TBC1D19: variants seen among roughly 807,000 people sequenced by gnomAD.
The protein encoded by TBC1D19 is TBC1 domain family, member 19.
In TBC1D19, 60 loss-of-function variants were observed where a neutral mutation model predicts 89.0. That is an observed-to-expected ratio of 0.67 (90% CI 0.55 to 0.84). TBC1D19 has a LOEUF of 0.84. Ranked by LOEUF, TBC1D19 falls within the 40% of genes least tolerant of loss-of-function variation. TBC1D19 has a pLI of 0.00. For missense variants in TBC1D19, 500 were observed against 610.8 expected (o/e 0.82, Z 1.91); for synonymous variants, 189 against 199.7 (o/e 0.95, Z 0.45).
At chr4:26,794,957 C>T in the TBC1D19 span, among the ~76,000 whole-genome samples, 68 of 152,282 alleles carry the variant, frequency 4.5e-4, no homozygotes, top group South Asian at 4.6e-3. Flanking sequence ...GGCTCCTGAC[C>T]GGTCTCCTGG....
chr4:26,779,518 C>T, the TBC1D19 span, among the ~76,000 whole-genome samples: 210 of 152,312 alleles, frequency 1.4e-3, no homozygotes, highest in Middle Eastern at 6.8e-3. Flanking sequence ...TTTCTTTCCC[C>T]GGGTCCTTCT....
the TBC1D19 span, among the ~76,000 whole-genome samples, chr4:26,794,596 T>A: frequency 3.3e-5 from 5 of 152,166 alleles, no homozygotes; most frequent in African/African-American, 7.2e-5. Context: ...GGAAATTTTT[T>A]AAAAAACATT....
chr4:26,580,952 G>A (rs1028005250), upstream of TBC1D19, among the ~76,000 whole-genome samples: 6 of 152,144 alleles, frequency 3.9e-5, no homozygotes, highest in African/African-American at 1.2e-4. Context: ...AAACCAAGCA[G>A]GTCTGAGAAA....
At chr4:26,670,671 G>C (rs141260632) in intron 9 of TBC1D19, among the ~76,000 whole-genome samples, 1 of 151,744 alleles carries the variant, frequency 6.6e-6, no homozygotes, top group East Asian at 1.9e-4. Context: ...CCTCCAGCTA[G>C]ACCGAGAAAC....
intron 13 of TBC1D19, among the ~76,000 whole-genome samples, chr4:26,707,557 C>G (rs1333109522): frequency 1.3e-5 from 2 of 151,864 alleles, no homozygotes; most frequent in Non-Finnish European, 2.9e-5. Flanking sequence ...AGATATTTCT[C>G]TCATTTTTCT....
chr4:26,609,309 C>T (rs1300701146), intron 1 of TBC1D19, among the ~76,000 whole-genome samples: 2 of 152,068 alleles, frequency 1.3e-5, no homozygotes, highest in Non-Finnish European at 2.9e-5. Context: ...AATAAAGACC[C>T]ATTCCTTGCC....
chr4:26,830,067 T>G, the TBC1D19 span, among the ~76,000 whole-genome samples: 1 of 152,172 alleles, frequency 6.6e-6, no homozygotes, highest in East Asian at 1.9e-4. Flanking sequence ...GGTTATGGTT[T>G]CCTGACCCAC....
chr4:26,649,362 T>C (rs1744177718), intron 7 of TBC1D19, among the ~76,000 whole-genome samples: 1 of 152,218 alleles, frequency 6.6e-6, no homozygotes, highest in Non-Finnish European at 1.5e-5. Flanking sequence ...GACAGCTTTA[T>C]TGAGCTAGAA....
chr4:26,810,951 C>A, the TBC1D19 span, among the ~76,000 whole-genome samples: 1 of 152,138 alleles, frequency 6.6e-6, no homozygotes, highest in Admixed American at 6.6e-5. Context: ...GTGTGGCAAT[C>A]CCTCAAAGAT....
chr4:26,594,608 A>G (rs889542868), intron 1 of TBC1D19, among the ~76,000 whole-genome samples: 27 of 152,122 alleles, frequency 1.8e-4, no homozygotes, highest in African/African-American at 6.5e-4. Context: ...GAAATGATGT[A>G]ATGCATGTCT....
At chr4:26,597,828 T>A (rs1740328322) in intron 1 of TBC1D19, among the ~76,000 whole-genome samples, 1 of 152,184 alleles carries the variant, frequency 6.6e-6, no homozygotes, top group African/African-American at 2.4e-5. Flanking sequence ...CATTTTTGCA[T>A]TCTTTTGGGT....
At chr4:26,619,982 T>C (rs1261330431) in intron 3 of TBC1D19, among the ~76,000 whole-genome samples, 1 of 152,218 alleles carries the variant, frequency 6.6e-6, no homozygotes, top group Non-Finnish European at 1.5e-5. Flanking sequence ...AGAGGAGTTA[T>C]ATATTGTTGT....
chr4:26,739,795 CAT>C (rs1261458575), intron 16 of TBC1D19, 67 bp from the exon 17 acceptor site: 5 of 860,644 alleles, frequency 5.8e-6, no homozygotes, highest in Non-Finnish European at 8.6e-6. Context: ...TTTATTATGA[CAT>C]ATTTTATAAA....
intron 1 of TBC1D19, among the ~76,000 whole-genome samples, chr4:26,585,606 C>T (rs912195051): frequency 1.3e-5 from 2 of 150,390 alleles, no homozygotes; most frequent in Non-Finnish European, 3.0e-5. Context: ...TTTTTTGAGA[C>T]GGAGTCTTCC....
chr4:26,855,069 T>C, the TBC1D19 span, among the ~76,000 whole-genome samples: 16 of 152,344 alleles, frequency 1.1e-4, no homozygotes, highest in Middle Eastern at 0.01. Context: ...GCCAGCTCAG[T>C]GGTGCATCAC....
the TBC1D19 span, among the ~76,000 whole-genome samples, chr4:26,835,026 C>T: frequency 6.6e-6 from 1 of 152,184 alleles, no homozygotes; most frequent in African/African-American, 2.4e-5. Flanking sequence ...CAAAGATGTC[C>T]ACCTCTTAAT....
chr4:26,839,775 G>T, the TBC1D19 span, among the ~76,000 whole-genome samples: 3,145 of 152,198 alleles, frequency 0.021, 58 homozygotes, highest in Non-Finnish European at 0.027. Context: ...GTCTCCTCCT[G>T]GTTGACCTTC....
At chr4:26,581,216 T>C (rs1359418023), upstream of TBC1D19, among the ~76,000 whole-genome samples, 1 of 152,224 alleles carries the variant, frequency 6.6e-6, no homozygotes, top group East Asian at 1.9e-4. Flanking sequence ...TTAAAAAATT[T>C]ATTTACTATA....
intron 7 of TBC1D19, among the ~76,000 whole-genome samples, chr4:26,654,210 C>A (rs1463900647): frequency 6.6e-6 from 1 of 152,192 alleles, no homozygotes; most frequent in Non-Finnish European, 1.5e-5. Context: ...CCCCCACTCT[C>A]TTCTGGCTTG....
Sources: allele counts gnomAD v4.1 joint callset (sites outside exome capture counted in the v4.1 genomes callset), GRCh38; gene constraint gnomAD v4.1.1; transcripts MANE v1.5; gene names NCBI Gene and HGNC (gene_info 2026-07-23, HGNC 2026-07-21).